The following TEX22 variants were observed in gnomAD, a reference collection of about 807,000 sequenced individuals.
TEX22 encodes the protein testis-expressed protein 22.
In TEX22, 16 loss-of-function variants were observed where a neutral mutation model predicts 11.3. The ratio of observed to expected loss-of-function variants is 1.42; its 90% CI spans 0.96 to 2.15. TEX22 has a LOEUF of 2.15. Ranked by LOEUF, TEX22 falls within the 30% of genes most tolerant of loss-of-function variation. The pLI is 0.00. For synonymous variants in TEX22, 97 were observed against 92.3 expected (o/e 1.05, Z -0.29); for missense variants, 220 against 208.6 (o/e 1.05, Z -0.34).
At chr14:105,402,385 G>A (rs1270078123) in intron 2 of TEX22, among the ~76,000 whole-genome samples, 1 of 152,118 alleles carries the variant, frequency 6.6e-6, no homozygotes, top group Non-Finnish European at 1.5e-5. Context: ...TTTCAACACA[G>A]TAAAAAGCAG....
At position 105,411,791 on chromosome 14, in the gene TEX22, G is replaced by A. The variant is rs1595224162; in HGVS notation, c.411G>A (p.Trp137Ter). 2.0e-6 allele frequency: 3 copies of A among 1,479,418 alleles called. No homozygotes were observed. The highest frequency in any genetic ancestry group is 2.8e-5 in the East Asian group (1 of 35,318). 91.6% of individuals were successfully genotyped at this position (1,479,418 alleles called of 1,614,324 possible). ...TCCTGGCGCGCAGTGCGCCTTTCTGGCATAATGCGACTTTCGAGGCCTCGA... is the reference window on the plus strand; with the variant it reads ...TCCTGGCGCGCAGTGCGCCTTTCTGACATAATGCGACTTTCGAGGCCTCGA... ...QAFLARSAPF[W>*]HNATFEASRS... Residue 137 changes from tryptophan (W) to a stop codon, truncating the protein, a stop_gained, in exon 4 of 4, where the codon TGG (tryptophan) becomes TGA (stop). Transcript: ENST00000451127. LOFTEE classifies it high-confidence loss of function.
chr14:105,398,880 C>G (rs1183338322), intron 1 of TEX22, among the ~76,000 whole-genome samples: 1 of 152,236 alleles, frequency 6.6e-6, no homozygotes, highest in South Asian at 2.1e-4. Flanking sequence ...GAGGGGAGGT[C>G]TCAGGGTCGG....
At chr14:105,407,144 T>A (rs1370727158) in intron 2 of TEX22, among the ~76,000 whole-genome samples, 1 of 151,272 alleles carries the variant, frequency 6.6e-6, no homozygotes, top group Non-Finnish European at 1.5e-5. Context: ...CTTGGCTCAC[T>A]GCAGCCTCCA....
intron 2 of TEX22, among the ~76,000 whole-genome samples, chr14:105,402,472 T>A (rs920868838): frequency 5.4e-5 from 8 of 147,088 alleles, no homozygotes; most frequent in Non-Finnish European, 1.2e-4. Flanking sequence ...AACCTGTTAT[T>A]GGCCGGGTGT....
intron 2 of TEX22, among the ~76,000 whole-genome samples, chr14:105,409,671 A>G (rs1308081721): frequency 6.6e-6 from 1 of 151,538 alleles, no homozygotes; most frequent in African/African-American, 2.4e-5. Flanking sequence ...GTGCCCAGCC[A>G]GGATTTTCTT....
chr14:105,404,869 C>CT (rs2081650705), intron 2 of TEX22, among the ~76,000 whole-genome samples: 1 of 152,190 alleles, frequency 6.6e-6, no homozygotes, highest in Non-Finnish European at 1.5e-5. Flanking sequence ...TAGGAAGTGT[C>CT]TGAGTAAACT....
intron 2 of TEX22, among the ~76,000 whole-genome samples, chr14:105,402,610 G>T (rs373216122): frequency 3.9e-5 from 6 of 151,954 alleles, no homozygotes; most frequent in African/African-American, 1.5e-4. Context: ...AAAAAAATTA[G>T]CCGGGCGTGG....
At chr14:105,403,436 G>A (rs1002504804) in intron 2 of TEX22, among the ~76,000 whole-genome samples, 1 of 152,166 alleles carries the variant, frequency 6.6e-6, no homozygotes, top group African/African-American at 2.4e-5. Context: ...TCAAGGTGGA[G>A]TTGAACATAA....
chr14:105,399,303 T>G lies in TEX22; in HGVS notation c.-38T>G. On this transcript the variant is annotated splice_region_variant and 5_prime_UTR_variant, in exon 2 of 4. Coordinates refer to ENST00000451127, the MANE Select transcript of TEX22 (RefSeq NM_001195082.2). ...ACCTCCCCCTGCTCCTACCCCCAGA[T>G]CTCAGAGGTGTGGACAAGCAGCCTA... 2 of 1,441,672 alleles carry G rather than the reference T, an allele frequency of 1.4e-6. No individual in the cohort carries two copies. The highest frequency in any genetic ancestry group is 9.2e-7 in the Non-Finnish European group (1 of 1,081,894). 89.3% of individuals were successfully genotyped at this position (1,441,672 alleles called of 1,614,324 possible). A position where few individuals can be genotyped will look rare whatever the true frequency, so the allele number is the denominator to read the frequency against.
At chr14:105,399,796 C>CTTGCCA (rs1385761327) in intron 2 of TEX22, among the ~76,000 whole-genome samples, 1 of 152,232 alleles carries the variant, frequency 6.6e-6, no homozygotes. Context: ...GTGCCTCCCA[C>CTTGCCA]CCCAGGCTGA....
intron 2 of TEX22, among the ~76,000 whole-genome samples, chr14:105,408,276 T>G (rs1285905797): frequency 6.7e-6 from 1 of 150,266 alleles, no homozygotes; most frequent in African/African-American, 2.5e-5. Context: ...GGAGTCTCAC[T>G]CTATCACCAG....
chr14:105,408,246 C>CTT (rs782360783), intron 2 of TEX22, among the ~76,000 whole-genome samples: 3 of 143,298 alleles, frequency 2.1e-5, no homozygotes, highest in African/African-American at 2.5e-5. Context: ...TTCTTTCTTC[C>CTT]TTTTTTTTTT....
intron 2 of TEX22, among the ~76,000 whole-genome samples, chr14:105,402,508 A>C (rs1210522035): frequency 1.3e-5 from 2 of 151,840 alleles, no homozygotes; most frequent in Non-Finnish European, 2.9e-5. Context: ...TAATCCCAGC[A>C]CTTTGGGAGG....
In TEX22 at chr14:105,411,363, C is replaced by T. The variant is rs587727788; in HGVS notation, c.151-5C>T. 2.2e-4 allele frequency: 289 copies of T among 1,331,598 alleles called. 4 individuals are homozygous for T. In the East Asian group the frequency reaches 9.2e-3, roughly 42 times the overall value. The allele number at this position is 1,331,598 out of a possible 1,614,324, so 82.5% of individuals were successfully genotyped here. A position where few individuals can be genotyped will look rare whatever the true frequency, so the allele number is the denominator to read the frequency against. ...CCCTCGCCGACCCGCTGCCCTGTCC[C>T]CCAGGTGTGCGAGCCGCCGGAACGC... On this transcript the variant is annotated splice_region_variant and splice_polypyrimidine_tract_variant and intron_variant, in intron 2 of 3. Transcript: ENST00000451127.
At chr14:105,409,766 T>TC (rs1375713284) in intron 2 of TEX22, among the ~76,000 whole-genome samples, 2 of 150,810 alleles carry the variant, frequency 1.3e-5, no homozygotes, top group Non-Finnish European at 1.5e-5. Context: ...CTTCCTTCCT[T>TC]CTTTTTCTTT....
chr14:105,402,134 C>T lies in TEX22; in HGVS notation c.150+2644C>T, dbSNP rs587701485. Among the ~76,000 whole-genome samples the T allele has an allele frequency of 5.9e-5, 9 of 152,102 alleles. No individual in the cohort carries two copies. The South Asian group carries it at 6.2e-4, about 11-fold the overall frequency. ...CTGGGAGTTGGAGGATGCAGTGAGC[C>T]GAGATTCCGCCACCACACTCCAGCC... On this transcript the variant is annotated intron_variant, in intron 2 of 3. Coordinates refer to ENST00000451127, the MANE Select transcript of TEX22 (RefSeq NM_001195082.2).
chr14:105,407,117 G>A (rs377235581), intron 2 of TEX22, among the ~76,000 whole-genome samples: 1 of 148,072 alleles, frequency 6.8e-6, no homozygotes, highest in South Asian at 2.1e-4. Context: ...ACCCAGGCTG[G>A]AGTGCAGTGG....
At position 105,411,768 on chromosome 14, in the gene TEX22, C is replaced by G. The variant is rs1555419427; in HGVS notation, c.388C>G (p.Leu130Val). Residue 130 changes from leucine (L) to valine (V), a missense_variant, in exon 4 of 4, where the codon CTG becomes GTG. Transcript: ENST00000451127. ...TESTNAFQAF[L>V]ARSAPFWHNA... ...GTCCACCAACGCCTTCCAGGCCTTCCTGGCGCGCAGTGCGCCTTTCTGGCA... is the reference window on the plus strand; with the variant it reads ...GTCCACCAACGCCTTCCAGGCCTTCGTGGCGCGCAGTGCGCCTTTCTGGCA... 6.6e-7 allele frequency: 1 copy of G among 1,509,932 alleles called. No homozygotes were observed. The highest frequency in any genetic ancestry group is 8.8e-7 in the Non-Finnish European group (1 of 1,133,628). The allele number at this position is 1,509,932 out of a possible 1,614,324, so 93.5% of individuals were successfully genotyped here.
At chr14:105,405,874 C>A (rs2081656216) in intron 2 of TEX22, among the ~76,000 whole-genome samples, 1 of 152,198 alleles carries the variant, frequency 6.6e-6, no homozygotes, top group African/African-American at 2.4e-5. Context: ...AAAATAAGAG[C>A]AAGGCCTGGC....
Sources: allele counts gnomAD v4.1 joint callset (sites outside exome capture counted in the v4.1 genomes callset), GRCh38; gene constraint gnomAD v4.1.1; transcripts MANE v1.5; gene names NCBI Gene and HGNC (gene_info 2026-07-23, HGNC 2026-07-21).